Variants in RHOT1 observed in about 807,000 individuals in gnomAD.
RHOT1 encodes the protein mitochondrial Rho GTPase 1.
In RHOT1, 27 loss-of-function variants were observed where a neutral mutation model predicts 95.3. That is an observed-to-expected ratio of 0.28 (90% CI 0.21 to 0.39). The LOEUF (loss-of-function observed/expected upper bound fraction) is 0.39, where lower values mean the gene tolerates loss of function less well. Ranked by LOEUF, RHOT1 falls within the 10% of genes least tolerant of loss-of-function variation. The probability of loss-of-function intolerance (pLI) is 1.00; values close to 1 mark genes in which losing one functional copy is unlikely to be tolerated. For missense variants in RHOT1, 578 were observed against 786.7 expected (o/e 0.73, Z 3.17); for synonymous variants, 227 against 263.5 (o/e 0.86, Z 1.34).
At position 32,199,460 on chromosome 17, in the gene RHOT1, C is replaced by T. The variant is rs1170872242; in HGVS notation, c.1010C>T (p.Pro337Leu). ...CTTAAAGATTTATTTAAAGTTTTCC[C>T]TTACATACCTTGGGGGCCAGATGTG... Reference protein sequence around the residue: ...DELKDLFKVFPYIPWGPDVNN... With the variant: ...DELKDLFKVFLYIPWGPDVNN... The change falls in exon 13 of 20, where the codon CCT becomes CTT. Residue 337 changes from proline (P) to leucine (L), a missense_variant. By Grantham distance (98) the Pro-to-Leu change is moderately conservative (BLOSUM62 -3). Around this residue, in one of 4 missense-constraint regions of RHOT1, gnomAD observed 227 missense variants for 316.0 expected, o/e 0.72. Coordinates refer to ENST00000545287, the MANE Select transcript of RHOT1 (RefSeq NM_001033566.3). The T allele has an allele frequency of 1.9e-6, 3 of 1,613,228 alleles. No individual in the cohort carries two copies. Among genetic ancestry groups the T allele is most frequent in the Non-Finnish European group, 2.5e-6 (3 of 1,179,680 alleles).
intron 15 of RHOT1, 128 bp downstream of exon 15, chr17:32,203,028 C>T (rs898461006): frequency 1.1e-5 from 9 of 845,944 alleles, no homozygotes; most frequent in African/African-American, 1.7e-5. Context: ...TAGTCAAGTA[C>T]AGTCTAAATG....
chr17:32,209,958 A>G (rs2038013112), intron 18 of RHOT1, among the ~76,000 whole-genome samples: 1 of 152,128 alleles, frequency 6.6e-6, no homozygotes, highest in Admixed American at 6.6e-5. Flanking sequence ...TGAAAAAAAA[A>G]TGAAAAAGGA....
At chr17:32,162,078 AT>A (rs1164567580) in intron 1 of RHOT1, among the ~76,000 whole-genome samples, 1 of 152,068 alleles carries the variant, frequency 6.6e-6, no homozygotes, top group Non-Finnish European at 1.5e-5. Flanking sequence ...GGTAGATGTG[AT>A]TAAGTCATTG....
At chr17:32,184,078 T>C (rs1192845706) in intron 8 of RHOT1, among the ~76,000 whole-genome samples, 2 of 152,262 alleles carry the variant, frequency 1.3e-5, no homozygotes, top group Non-Finnish European at 2.9e-5. Flanking sequence ...CTAAATTTTT[T>C]TGAGATATAT....
At chr17:32,174,423 C>T (rs2034832083) in intron 3 of RHOT1, among the ~76,000 whole-genome samples, 1 of 152,144 alleles carries the variant, frequency 6.6e-6, no homozygotes. Flanking sequence ...CAGCACTGTA[C>T]TGAAAGCTGA....
At chr17:32,156,878 T>C (rs1166255342) in intron 1 of RHOT1, among the ~76,000 whole-genome samples, 1 of 152,238 alleles carries the variant, frequency 6.6e-6, no homozygotes, top group Non-Finnish European at 1.5e-5. Flanking sequence ...GTACTTAATG[T>C]GTGACAGGTG....
At chr17:32,214,999 C>T (rs2038378252) in intron 19 of RHOT1, among the ~76,000 whole-genome samples, 1 of 148,014 alleles carries the variant, frequency 6.8e-6, no homozygotes, top group East Asian at 2.0e-4. Flanking sequence ...CTCCACCTCC[C>T]AGGTTCAAGT....
intron 3 of RHOT1, among the ~76,000 whole-genome samples, chr17:32,175,063 T>C (rs2034885577): frequency 6.6e-6 from 1 of 152,240 alleles, no homozygotes; most frequent in Non-Finnish European, 1.5e-5. Context: ...TTTTCAACTC[T>C]GGACCAGATG....
chr17:32,172,493 T>A lies in RHOT1; in HGVS notation c.97-1338T>A, dbSNP rs556717727. ...ATTGTAAGTAATCTAGAAGGGTTTT[T>A]AATTAATTTTTAAAAATTCAGTCCT... On this transcript the variant is annotated intron_variant, in intron 2 of 19. Transcript: ENST00000545287. Among the ~76,000 whole-genome samples, 7 of 152,366 alleles carry A rather than the reference T, an allele frequency of 4.6e-5. 1 individual carries two copies. Among genetic ancestry groups the A allele is most frequent in the East Asian group, 1.9e-4 (1 of 5,190 alleles).
chr17:32,165,335 T>C (rs1480381150), intron 1 of RHOT1, among the ~76,000 whole-genome samples: 3 of 46,898 alleles, frequency 6.4e-5, no homozygotes, highest in African/African-American at 2.1e-4. Flanking sequence ...AGACTCCGTC[T>C]CAAAAAAAAA....
intron 3 of RHOT1, 88 bp from the exon 4 acceptor site, chr17:32,175,231 T>C: frequency 9.2e-7 from 1 of 1,084,712 alleles, no homozygotes; most frequent in South Asian, 1.3e-5. Context: ...TGAGGGATGT[T>C]AGATGAGTGT....
At chr17:32,179,916 G>A (rs2035463765) in intron 6 of RHOT1, 1 of 141,920 alleles carries the variant, frequency 7.0e-6, no homozygotes, top group Non-Finnish European at 1.5e-5. Flanking sequence ...GGGAAGTGAG[G>A]AGCGCCTCTG....
chr17:32,218,517 A>AG, intron 19 of RHOT1, among the ~76,000 whole-genome samples: 1 of 151,362 alleles, frequency 6.6e-6, no homozygotes, highest in Admixed American at 6.6e-5. Context: ...AAAAAAAAAA[A>AG]AAAAACAGAG....
intron 19 of RHOT1, among the ~76,000 whole-genome samples, chr17:32,212,188 G>A (rs758602982): frequency 1.3e-5 from 2 of 152,178 alleles, no homozygotes; most frequent in Non-Finnish European, 2.9e-5. Context: ...CTCACTGAGG[G>A]CTAGACTTTA....
At chr17:32,206,306 A>G (rs528285017) in intron 16 of RHOT1, among the ~76,000 whole-genome samples, 122 of 148,266 alleles carry the variant, frequency 8.2e-4, no homozygotes, top group Non-Finnish European at 1.4e-3. Flanking sequence ...TCCAGGCTCA[A>G]GCGATTCTCC....
chr17:32,193,933 G>A, intron 10 of RHOT1, 54 bp from the exon 11 acceptor site: 1 of 1,585,160 alleles, frequency 6.3e-7, no homozygotes. Flanking sequence ...TATGTTACAT[G>A]CTTTTCTCCT....
chr17:32,155,668 G>T (rs1320819149), intron 1 of RHOT1, among the ~76,000 whole-genome samples: 1 of 151,230 alleles, frequency 6.6e-6, no homozygotes, highest in Non-Finnish European at 1.5e-5. Flanking sequence ...TTAGCCTCCC[G>T]ATTACCTGAG....
Position 32,224,718 on chromosome 17 carries a change from A to G in RHOT1, c.1965A>G (p.Leu655=), listed in dbSNP as rs1205234366. The G allele has an allele frequency of 1.9e-6, 3 of 1,605,560 alleles. No individual in the cohort carries two copies. In the African/African-American group the frequency reaches 4.0e-5, roughly 21 times the overall value. Residue 655 remains leucine (L), a synonymous_variant, in exon 20 of 20, where the codon TTA becomes TTG. Coordinates refer to ENST00000545287, the MANE Select transcript of RHOT1 (RefSeq NM_001033566.3). ...TGGGCTTTGCTATGTACAAAGCATT[A>G]TTGAAACAGCGATGATATAAAAAGA... ...AVLGFAMYKA[L]LKQR
chr17:32,145,832 T>C (rs1403406229), intron 1 of RHOT1, among the ~76,000 whole-genome samples: 2 of 152,010 alleles, frequency 1.3e-5, no homozygotes, highest in Admixed American at 1.3e-4. Context: ...CTGGGCAACA[T>C]GACGAACCCT....
Sources: gnomAD v4.1 joint callset for allele counts (sites outside exome capture counted in the v4.1 genomes callset) on GRCh38, gnomAD v4.1.1 for gene constraint, gnomAD v4.1.1 regional missense constraint, MANE v1.5 for transcripts, NCBI Gene and HGNC (gene_info 2026-07-23, HGNC 2026-07-21) for gene names.